Variants in ME2 observed in about 807,000 individuals in gnomAD.
The protein encoded by ME2 is NAD-dependent malic enzyme, mitochondrial.
ME2 carries 60 observed loss-of-function variants against 73.7 expected under a neutral mutation model. That is an observed-to-expected ratio of 0.81 (90% CI 0.66 to 1.01). ME2 has a LOEUF of 1.01. ME2 is among the 50% of genes least tolerant of loss of function. The pLI is 0.00. For missense variants in ME2, 594 were observed against 705.5 expected (o/e 0.84, Z 1.79); for synonymous variants, 199 against 236.9 (o/e 0.84, Z 1.47).
intron 15 of ME2, among the ~76,000 whole-genome samples, chr18:50,943,057 G>A (rs891714547): frequency 5.9e-5 from 9 of 151,774 alleles, no homozygotes; most frequent in Admixed American, 3.3e-4. Context: ...ACAGCCTCCC[G>A]AGTAGCTAGA....
chr18:50,945,111 T>C (rs1270921714), intron 15 of ME2: 1 of 152,092 alleles, frequency 6.6e-6, no homozygotes, highest in Admixed American at 6.6e-5. Context: ...GGCCCTTAGG[T>C]TTTTTGTTTG....
At chr18:50,897,765 C>T (rs912313464) in intron 2 of ME2, among the ~76,000 whole-genome samples, 2 of 151,772 alleles carry the variant, frequency 1.3e-5, no homozygotes, top group African/African-American at 4.8e-5. Flanking sequence ...GAGGCTGAGG[C>T]AGGAGAATCG....
intron 15 of ME2, among the ~76,000 whole-genome samples, chr18:50,946,188 T>C (rs1359596800): frequency 2.0e-5 from 3 of 152,316 alleles, no homozygotes; most frequent in Admixed American, 2.0e-4. Flanking sequence ...TGTGCTACCC[T>C]GTGAGGAAGT....
At chr18:50,918,909 T>A (rs1917354703) in intron 7 of ME2, among the ~76,000 whole-genome samples, 1 of 152,228 alleles carries the variant, frequency 6.6e-6, no homozygotes, top group Non-Finnish European at 1.5e-5. Flanking sequence ...TATTCTGTTA[T>A]GAGTGCATAT....
chr18:50,889,949 C>T (rs1052966525), intron 1 of ME2, among the ~76,000 whole-genome samples: 1 of 152,056 alleles, frequency 6.6e-6, no homozygotes, highest in African/African-American at 2.4e-5. Context: ...TTGGGGAAGC[C>T]TGTTAATTAT....
Position 50,921,099 on chromosome 18 carries a change from T to C in ME2, c.968T>C (p.Ile323Thr). Residue 323 changes from isoleucine (I) to threonine (T), a missense_variant, in exon 10 of 16, where the codon ATA becomes ACA. Ile to Thr is a moderately conservative substitution (Grantham distance 89). Transcript: ENST00000321341. ...GEAALGIANLIVMSMVENGLS... is the reference protein window; with the variant it reads ...GEAALGIANLTVMSMVENGLS... ...GCTGCTCTTGGAATTGCAAATCTTATAGTTATGTCTATGGTAGAAAATGGC... is the reference window on the plus strand; with the variant it reads ...GCTGCTCTTGGAATTGCAAATCTTACAGTTATGTCTATGGTAGAAAATGGC... 1 of 1,586,020 alleles carries C rather than the reference T, an allele frequency of 6.3e-7. No homozygotes were observed. The highest frequency in any genetic ancestry group is 8.6e-7 in the Non-Finnish European group (1 of 1,168,316).
At chr18:50,917,530 C>G (rs1444252626) in intron 6 of ME2, 22 bp downstream of exon 6, 1 of 1,502,720 alleles carries the variant, frequency 6.7e-7, no homozygotes, top group East Asian at 2.3e-5. Context: ...CATTTTCCCC[C>G]TTTATCTTCC....
At chr18:50,937,025 G>T (rs1315170004) in intron 13 of ME2, among the ~76,000 whole-genome samples, 2 of 151,942 alleles carry the variant, frequency 1.3e-5, no homozygotes, top group African/African-American at 2.4e-5. Flanking sequence ...CCTGTTTATG[G>T]TAAGGTAATG....
chr18:50,911,463 C>G (rs188567897), intron 3 of ME2, among the ~76,000 whole-genome samples: 1 of 152,064 alleles, frequency 6.6e-6, no homozygotes, highest in South Asian at 2.1e-4. Flanking sequence ...ATGGTATTGT[C>G]TAGACTGGAG....
rs1028408054 is a variant in ME2 at position 50,948,412 on chromosome 18, C to T, written c.*1228C>T. The T allele has an allele frequency of 6.6e-6, 1 of 152,016 alleles. No individual in the cohort carries two copies. The highest frequency in any genetic ancestry group is 2.4e-5 in the African/African-American group (1 of 41,372). The allele number at this position is 152,016 out of a possible 1,614,324, so 9.4% of individuals were successfully genotyped here. A position where few individuals can be genotyped will look rare whatever the true frequency, so the allele number is the denominator to read the frequency against. On this transcript the variant is annotated 3_prime_UTR_variant, in exon 16 of 16. Transcript: ENST00000321341. ...GCTCTTAGGGAAGAAAACTTAAATG[C>T]TCATTCTAGGATAGTAACAACAACA...
At chr18:50,886,486 C>T (rs1002670309) in intron 1 of ME2, among the ~76,000 whole-genome samples, 8 of 151,944 alleles carry the variant, frequency 5.3e-5, no homozygotes, top group East Asian at 1.9e-4. Flanking sequence ...TCAAGTGATC[C>T]GCTCACCTCA....
chr18:50,947,106 G>T lies in ME2; in HGVS notation c.1677G>T (p.Arg559=). 1 of 1,614,052 alleles carries T rather than the reference G, an allele frequency of 6.2e-7. No individual in the cohort carries two copies. Among genetic ancestry groups the T allele is most frequent in the Non-Finnish European group, 8.5e-7 (1 of 1,179,990 alleles). Residue 559 remains arginine, a synonymous_variant, in exon 16 of 16, where the codon CGG becomes CGT. Coordinates refer to ENST00000321341, the MANE Select transcript of ME2 (RefSeq NM_002396.5). ...KAKYVKERTW[R]SEYDSLLPDV... ...AATATGTTAAAGAAAGAACATGGCG[G>T]AGTGAATATGATTCCCTGCTGCCAG...
chr18:50,882,083 C>G (rs1295981807), intron 1 of ME2, among the ~76,000 whole-genome samples: 1 of 152,184 alleles, frequency 6.6e-6, no homozygotes, highest in Non-Finnish European at 1.5e-5. Flanking sequence ...ACTGCAACCT[C>G]AACCTCCCAT....
intron 2 of ME2, among the ~76,000 whole-genome samples, chr18:50,896,598 A>AT (rs1368581984): frequency 1.3e-5 from 2 of 151,978 alleles, no homozygotes; most frequent in African/African-American, 4.8e-5. Context: ...CTGGGAAGAG[A>AT]TTTTTTTTAC....
intron 13 of ME2, 82 bp downstream of exon 13, chr18:50,932,442 T>C (rs565900012): frequency 4.6e-6 from 5 of 1,083,696 alleles, no homozygotes; most frequent in African/African-American, 3.2e-5. Flanking sequence ...AATGGGAGAC[T>C]GAACTGAGCA....
At chr18:50,928,538 T>G (rs1917619397) in intron 12 of ME2, among the ~76,000 whole-genome samples, 1 of 152,218 alleles carries the variant, frequency 6.6e-6, no homozygotes, top group South Asian at 2.1e-4. Context: ...GCGCCCGGAC[T>G]GTTTTTGTTT....
chr18:50,906,556 G>A (rs1380647907), intron 2 of ME2, among the ~76,000 whole-genome samples: 5 of 152,136 alleles, frequency 3.3e-5, no homozygotes, highest in Middle Eastern at 3.4e-3. Context: ...CAGGTGATCC[G>A]CCCACCTTGG....
chr18:50,886,663 T>C (rs1327261688), intron 1 of ME2, among the ~76,000 whole-genome samples: 1 of 152,186 alleles, frequency 6.6e-6, no homozygotes, highest in African/African-American at 2.4e-5. Flanking sequence ...TGCATGGTGG[T>C]GATTTAATAG....
intron 11 of ME2, among the ~76,000 whole-genome samples, chr18:50,925,310 C>T (rs1447764853): frequency 1.3e-5 from 2 of 152,092 alleles, no homozygotes; most frequent in East Asian, 3.9e-4. Flanking sequence ...AAAACCCCAT[C>T]TCTACTAAAA....
Sources: allele counts gnomAD v4.1 joint callset (sites outside exome capture counted in the v4.1 genomes callset), GRCh38; gene constraint gnomAD v4.1.1; transcripts MANE v1.5; gene names NCBI Gene and HGNC (gene_info 2026-07-23, HGNC 2026-07-21).